CECR2: variants seen among roughly 807,000 people sequenced by gnomAD.
The protein encoded by CECR2 is chromatin remodeling regulator CECR2.
A neutral mutation model predicts 154.5 loss-of-function variants in CECR2; 30 were observed. That is an observed-to-expected ratio of 0.19 (90% CI 0.15 to 0.26). The LOEUF (loss-of-function observed/expected upper bound fraction) is 0.26, where lower values mean the gene tolerates loss of function less well. CECR2 is among the 10% of genes least tolerant of loss of function. The pLI, the probability that CECR2 is intolerant of heterozygous loss-of-function variation, is 1.00. For missense variants in CECR2, 1,743 were observed against 1,829.3 expected (o/e 0.95, Z 0.86); for synonymous variants, 725 against 683.7 (o/e 1.06, Z -0.94).
intron 1 of CECR2, among the ~76,000 whole-genome samples, chr22:17,379,527 T>TG (rs1288719964): frequency 4.0e-5 from 6 of 149,852 alleles, no homozygotes; most frequent in Admixed American, 3.3e-4. Context: ...AGTGGTGTAC[T>TG]GGGGAGGGCG....
intron 1 of CECR2, among the ~76,000 whole-genome samples, chr22:17,466,947 A>G (rs996912277): frequency 2.0e-5 from 3 of 151,948 alleles, no homozygotes; most frequent in Non-Finnish European, 4.4e-5. Flanking sequence ...TCGTTCCCGT[A>G]TGTGCTTTTG....
intron 7 of CECR2, 104 bp from the exon 8 acceptor site, chr22:17,511,709 C>G: frequency 2.9e-5 from 24 of 839,332 alleles, no homozygotes; most frequent in Non-Finnish European, 4.0e-5. Flanking sequence ...AACCTGTGTG[C>G]CTCATTGGCC....
chr22:17,462,854 G>A (rs1331004137), intron 1 of CECR2, among the ~76,000 whole-genome samples: 1 of 152,194 alleles, frequency 6.6e-6, no homozygotes, highest in African/African-American at 2.4e-5. Context: ...GGAGGTTGCA[G>A]TGAGCCAAGA....
intron 7 of CECR2, among the ~76,000 whole-genome samples, chr22:17,505,359 G>T (rs566395991): frequency 6.6e-6 from 1 of 151,398 alleles, no homozygotes; most frequent in African/African-American, 2.4e-5. Context: ...AAAAAATCTT[G>T]TGGGTTTGTC....
chr22:17,498,621 C>G (rs1371023941), intron 3 of CECR2, among the ~76,000 whole-genome samples: 1 of 152,096 alleles, frequency 6.6e-6, no homozygotes, highest in Non-Finnish European at 1.5e-5. Flanking sequence ...CAGGTCAGCC[C>G]CCGAGGTAAA....
In CECR2 at chr22:17,421,237, G is replaced by T. The variant is rs374510631; in HGVS notation, c.126+51328G>T. On this transcript the variant is annotated intron_variant, in intron 1 of 18. Coordinates refer to ENST00000262608, the MANE Select transcript of CECR2 (RefSeq NM_001290047.2). ...TGGCTCACACCTGTGATCCCAGCACGTTGGGAGGCCGAGGTGGCGGATCAC... is the reference window on the plus strand; with the variant it reads ...TGGCTCACACCTGTGATCCCAGCACTTTGGGAGGCCGAGGTGGCGGATCAC... Among the ~76,000 whole-genome samples the T allele has an allele frequency of 7.9e-5, 12 of 151,580 alleles. 1 individual carries two copies. In the South Asian group the frequency reaches 1.7e-3, roughly 21 times the overall value.
At chr22:17,405,131 C>T (rs1320683537) in intron 1 of CECR2, among the ~76,000 whole-genome samples, 2 of 152,096 alleles carry the variant, frequency 1.3e-5, no homozygotes, top group Non-Finnish European at 2.9e-5. Flanking sequence ...AGTTTTAGGC[C>T]AGGCATGGTG....
At chr22:17,515,081 A>G (rs1057204685) in intron 8 of CECR2, among the ~76,000 whole-genome samples, 2 of 150,466 alleles carry the variant, frequency 1.3e-5, no homozygotes, top group Admixed American at 6.6e-5. Context: ...TTTTTTTCTC[A>G]TATGTGTGTA....
chr22:17,421,826 G>A (rs1430759815), intron 1 of CECR2, among the ~76,000 whole-genome samples: 1 of 148,656 alleles, frequency 6.7e-6, no homozygotes, highest in Non-Finnish European at 1.5e-5. Context: ...GGTCAGTTAG[G>A]CTCTGATAAA....
rs2056447642 is a variant in CECR2, at chr22:17,537,045, C to T, written c.1109-58C>T. On this transcript the variant is annotated intron_variant, in intron 9 of 18. Transcript: ENST00000262608. ...TCCTTCTCTCACAGTGATGAAGGAA[C>T]ACGCCATGTCAGTGTCTGGAGTGTG... 6 of 1,589,692 alleles carry T rather than the reference C, an allele frequency of 3.8e-6. No homozygotes were observed. The South Asian group carries it at 5.7e-5, about 15-fold the overall frequency.
chr22:17,485,106 A>C (rs73876457), intron 2 of CECR2, among the ~76,000 whole-genome samples: 1 of 152,212 alleles, frequency 6.6e-6, no homozygotes, highest in Admixed American at 6.5e-5. Context: ...AGCATGTCCT[A>C]TGTCCTGGAC....
intron 1 of CECR2, among the ~76,000 whole-genome samples, chr22:17,405,412 CAAAT>C (rs1423922244): frequency 6.8e-6 from 1 of 146,080 alleles, no homozygotes; most frequent in African/African-American, 2.5e-5. Flanking sequence ...AACTCCGTCT[CAAAT>C]AAAATAAGAT....
intron 1 of CECR2, among the ~76,000 whole-genome samples, chr22:17,435,208 T>TTTC (rs1177301976): frequency 6.6e-6 from 1 of 150,674 alleles, no homozygotes; most frequent in African/African-American, 2.4e-5. Context: ...TCTTTCTTTC[T>TTTC]TTTTTTTTAA....
intron 1 of CECR2, among the ~76,000 whole-genome samples, chr22:17,465,990 GTAAC>G (rs1249288427): frequency 6.6e-6 from 1 of 151,714 alleles, no homozygotes; most frequent in Admixed American, 6.6e-5. Context: ...ACATGGTAAA[GTAAC>G]TACCCCCCGC....
Position 17,374,735 on chromosome 22 carries a change from C to T in CECR2, c.126+4826C>T, listed in dbSNP as rs374038991. Among the ~76,000 whole-genome samples the T allele has an allele frequency of 1.2e-4, 19 of 152,310 alleles. No individual in the cohort carries two copies. In the East Asian group the frequency reaches 3.5e-3, roughly 28 times the overall value. On this transcript the variant is annotated intron_variant, in intron 1 of 18. Transcript: ENST00000262608. ...AATAACGTGATGATAAATGACACTGCGTAGTACTTGGTACATTTTCAAAAT... is the reference window on the plus strand; with the variant it reads ...AATAACGTGATGATAAATGACACTGTGTAGTACTTGGTACATTTTCAAAAT...
intron 9 of CECR2, among the ~76,000 whole-genome samples, chr22:17,531,259 C>T (rs771969657): frequency 2.0e-5 from 3 of 151,518 alleles, no homozygotes; most frequent in Non-Finnish European, 4.4e-5. Context: ...TCGGGATTGT[C>T]AGAGGTGGGG....
chr22:17,378,979 T>G (rs1379907336), intron 1 of CECR2, among the ~76,000 whole-genome samples: 1 of 151,804 alleles, frequency 6.6e-6, no homozygotes, highest in African/African-American at 2.4e-5. Context: ...TGAGACAGAG[T>G]TTTGCTTTTG....
chr22:17,379,896 A>G (rs2063166502), intron 1 of CECR2, among the ~76,000 whole-genome samples: 1 of 152,208 alleles, frequency 6.6e-6, no homozygotes, highest in African/African-American at 2.4e-5. Flanking sequence ...ATAGAACTTC[A>G]AGGAAATGAG....
At chr22:17,362,736 T>C (rs1234580246) in intron 1 of CECR2, among the ~76,000 whole-genome samples, 1 of 151,712 alleles carries the variant, frequency 6.6e-6, no homozygotes, top group East Asian at 2.0e-4. Context: ...ACCCTGTCTC[T>C]ATGAAAAATA....
Sources: allele counts gnomAD v4.1 joint callset (sites outside exome capture counted in the v4.1 genomes callset), GRCh38; gene constraint gnomAD v4.1.1; transcripts MANE v1.5; gene names NCBI Gene and HGNC (gene_info 2026-07-23, HGNC 2026-07-21).